Variants in PARD3B observed in about 807,000 individuals in gnomAD.
PARD3B encodes the protein partitioning defective 3 homolog B.
Under a neutral mutation model 130.2 loss-of-function variants are expected in PARD3B, and 103 were observed. The ratio of observed to expected loss-of-function variants is 0.79; its 90% CI spans 0.67 to 0.93. The LOEUF is 0.93. Ranked by LOEUF, PARD3B falls within the 40% of genes least tolerant of loss-of-function variation. The pLI is 0.00. For synonymous variants in PARD3B, 583 were observed against 553.2 expected, an observed-to-expected ratio of 1.05 and a Z score of -0.76; for missense variants, 1,609 against 1,499.2, an observed-to-expected ratio of 1.07 and a Z score of -1.21.
rs562488720 is a variant in PARD3B at position 205,258,129 on chromosome 2, A to G, written c.2185+12307A>G. 6.6e-6 allele frequency among the ~76,000 whole-genome samples: 1 copy of G among 152,152 alleles called. No homozygotes were observed. Among genetic ancestry groups the G allele is most frequent in the Non-Finnish European group, 1.5e-5 (1 of 68,018 alleles). On this transcript the variant is annotated intron_variant, in intron 16 of 22. Transcript: ENST00000406610. The surrounding 1 kb of genome is among the most constrained non-coding windows in gnomAD (Gnocchi z 4.9). Reference sequence around the variant, plus strand: ...ATAACAGATGCAATGGTACACTTCCATGTGGGCCTGGAAAGCCTTACCAGA... The same window carrying G: ...ATAACAGATGCAATGGTACACTTCCGTGTGGGCCTGGAAAGCCTTACCAGA...
At chr2:205,171,590 T>G (rs1404159970) in intron 11 of PARD3B, among the ~76,000 whole-genome samples, 1 of 152,248 alleles carries the variant, frequency 6.6e-6, no homozygotes. Flanking sequence ...CAATTCTTTT[T>G]GTCAAGCTTT....
At chr2:204,568,727 G>A (rs1161148262) in intron 1 of PARD3B, among the ~76,000 whole-genome samples, 1 of 152,176 alleles carries the variant, frequency 6.6e-6, no homozygotes, top group Non-Finnish European at 1.5e-5. Context: ...GGCCCAGGTG[G>A]ATGGATCACT....
chr2:204,586,327 A>G (rs1223439650), intron 1 of PARD3B, among the ~76,000 whole-genome samples: 1 of 152,242 alleles, frequency 6.6e-6, no homozygotes, highest in African/African-American at 2.4e-5. Flanking sequence ...CACCAGTATC[A>G]GTGTTTAGTA....
At chr2:205,000,268 T>G (rs1205672075) in intron 3 of PARD3B, among the ~76,000 whole-genome samples, 5 of 152,200 alleles carry the variant, frequency 3.3e-5, no homozygotes, top group African/African-American at 9.7e-5. Flanking sequence ...TTAGGCTTGT[T>G]AAATTATGTT....
Position 205,276,278 on chromosome 2 carries a change from C to G in PARD3B, c.2186-24252C>G, listed in dbSNP as rs948382698. On this transcript the variant is annotated intron_variant, in intron 16 of 22. Transcript: ENST00000406610. The surrounding 1 kb of genome is among the most constrained non-coding windows in gnomAD (Gnocchi z 5.0). ...CTTTTGTAGTGAGCCAGCAGGGCGC[C>G]TGGTGCTGACAGCCTTGGCAAACAA... Among the ~76,000 whole-genome samples the G allele has an allele frequency of 3.3e-5, 5 of 152,168 alleles. No individual in the cohort carries two copies. Among genetic ancestry groups the G allele is most frequent in the African/African-American group, 4.8e-5 (2 of 41,438 alleles).
intron 21 of PARD3B, among the ~76,000 whole-genome samples, chr2:205,514,453 C>T (rs944918446): frequency 6.6e-6 from 1 of 151,960 alleles, no homozygotes; most frequent in African/African-American, 2.4e-5. Context: ...TTATAAGAAC[C>T]CACATGGTGC....
chr2:204,584,059 G>C (rs2125085305), intron 1 of PARD3B, among the ~76,000 whole-genome samples: 1 of 152,340 alleles, frequency 6.6e-6, no homozygotes, highest in East Asian at 1.9e-4. Context: ...CAAGGCTGGA[G>C]CCAGGAATTT....
intron 2 of PARD3B, among the ~76,000 whole-genome samples, chr2:204,736,954 A>G (rs753191941): frequency 1.3e-5 from 2 of 151,896 alleles, no homozygotes; most frequent in Non-Finnish European, 2.9e-5. Context: ...TTTTTTGACT[A>G]TTTATTTATT....
At chr2:204,624,580 G>A (rs1288599915) in intron 1 of PARD3B, among the ~76,000 whole-genome samples, 1 of 152,162 alleles carries the variant, frequency 6.6e-6, no homozygotes, top group African/African-American at 2.4e-5. Context: ...TAATTGTTGA[G>A]TAGTGTTCCA....
intron 21 of PARD3B, among the ~76,000 whole-genome samples, chr2:205,504,721 A>G (rs2050284832): frequency 6.6e-6 from 1 of 152,250 alleles, no homozygotes; most frequent in South Asian, 2.1e-4. Flanking sequence ...AATGGCGATC[A>G]TTAAAAAGTC....
intron 11 of PARD3B, among the ~76,000 whole-genome samples, chr2:205,171,358 G>C (rs2035164480): frequency 6.6e-6 from 1 of 152,218 alleles, no homozygotes; most frequent in Non-Finnish European, 1.5e-5. Flanking sequence ...TCTAGGCAGA[G>C]CAGGCATCCC....
intron 1 of PARD3B, among the ~76,000 whole-genome samples, chr2:204,651,856 A>T (rs974396652): frequency 1.3e-5 from 2 of 152,098 alleles, no homozygotes; most frequent in Admixed American, 1.3e-4. Context: ...CAGGCCAAAC[A>T]CCATGTGGAA....
intron 10 of PARD3B, among the ~76,000 whole-genome samples, chr2:205,131,333 C>G (rs374411629): frequency 6.6e-6 from 1 of 152,170 alleles, no homozygotes; most frequent in South Asian, 2.1e-4. Flanking sequence ...TATGTATTCT[C>G]CAAGTAACAC....
intron 1 of PARD3B, among the ~76,000 whole-genome samples, chr2:204,619,583 A>G (rs1574561533): frequency 1.3e-5 from 2 of 152,108 alleles, no homozygotes; most frequent in South Asian, 4.1e-4. Context: ...AATAAGCCAC[A>G]ATTCTTGATT....
At chr2:205,108,976 C>T (rs184365184) in intron 5 of PARD3B, among the ~76,000 whole-genome samples, 3 of 152,082 alleles carry the variant, frequency 2.0e-5, no homozygotes, top group African/African-American at 7.2e-5. Context: ...ACCTTGCATT[C>T]ACCGAGAATC....
At position 205,466,735 on chromosome 2, in the gene PARD3B, G is replaced by A. The variant is rs1372193638; in HGVS notation, c.3044+26063G>A. Among the ~76,000 whole-genome samples, 3 of 152,206 alleles carry A rather than the reference G, an allele frequency of 2.0e-5. No homozygotes were observed. In the South Asian group the frequency reaches 6.2e-4, roughly 32 times the overall value. On this transcript the variant is annotated intron_variant, in intron 20 of 22. Coordinates refer to ENST00000406610, the MANE Select transcript of PARD3B (RefSeq NM_001302769.2). ...TTTGTTTTGTTTTTGTTTTTGAGAC[G>A]AAGTCTCGCTCTTGTTGCCCAGGCT...
At chr2:205,390,923 GC>G (rs2045835559) in intron 18 of PARD3B, among the ~76,000 whole-genome samples, 1 of 152,178 alleles carries the variant, frequency 6.6e-6, no homozygotes, top group South Asian at 2.1e-4. Context: ...TTTTTAGTTA[GC>G]CCTTGTTGGA....
At chr2:205,335,232 C>A (rs1574732691) in intron 18 of PARD3B, among the ~76,000 whole-genome samples, 1 of 152,172 alleles carries the variant, frequency 6.6e-6, no homozygotes, top group Non-Finnish European at 1.5e-5. Flanking sequence ...TAAGTCAATT[C>A]CAAACAGTTA....
chr2:205,344,477 A>G (rs74638679), intron 18 of PARD3B, among the ~76,000 whole-genome samples: 2,416 of 152,250 alleles, frequency 0.016, 20 homozygotes, highest in Non-Finnish European at 0.025. Context: ...CTCACAGACT[A>G]TCAACTTATG....
Sources: allele counts gnomAD v4.1 joint callset (sites outside exome capture counted in the v4.1 genomes callset), GRCh38; gene constraint gnomAD v4.1.1; non-coding constraint Gnocchi (gnomAD v3.1); transcripts MANE v1.5; gene names NCBI Gene and HGNC (gene_info 2026-07-23, HGNC 2026-07-21).